The following SYBU variants were observed in gnomAD, a reference collection of about 807,000 sequenced individuals.
SYBU encodes syntabulin.
In SYBU, 21 loss-of-function variants were observed where a neutral mutation model predicts 35.9. The ratio of observed to expected loss-of-function variants is 0.58; its 90% CI spans 0.41 to 0.84. The LOEUF (loss-of-function observed/expected upper bound fraction) is 0.84. Ranked by LOEUF, SYBU falls within the 40% of genes least tolerant of loss-of-function variation. The pLI is 0.00. For missense variants in SYBU, 768 were observed against 848.2 expected (o/e 0.91, Z 1.17); for synonymous variants, 319 against 324.3 (o/e 0.98, Z 0.18).
intron 1 of SYBU, 64 bp downstream of exon 1, chr8:109,644,572 C>T (rs1241109817): frequency 2.6e-6 from 4 of 1,519,238 alleles, no homozygotes; most frequent in Non-Finnish European, 3.5e-6. Context: ...CATCCCGCCG[C>T]TTCTCGCCCC....
intron 3 of SYBU, among the ~76,000 whole-genome samples, chr8:109,589,069 A>G (rs1823937590): frequency 6.6e-6 from 1 of 152,234 alleles, no homozygotes. Context: ...CTGAGGCAGG[A>G]GAATTGCTTG....
Position 109,642,728 on chromosome 8 carries a change from C to T in SYBU, c.229G>A (p.Asp77Asn). Residue 77 changes from aspartate to asparagine, a missense_variant and splice_region_variant, in exon 2 of 7, where the codon GAT becomes AAT. Transcript: ENST00000276646. ...TGGTGGCCTCCCGAGGGTACTGTAC[C>T]TGAGCAGAAGCTGTTGCTGCTAACG... is the stretch of plus-strand genomic sequence containing the variant. ...RTVSSNSFCS[D>N]DTGCPSSQSV... The T allele has an allele frequency of 6.3e-7, 1 of 1,597,200 alleles. No individual in the cohort carries two copies. Among genetic ancestry groups the T allele is most frequent in the Non-Finnish European group, 8.5e-7 (1 of 1,171,918 alleles).
Position 109,579,815 on chromosome 8 carries a change from A to G in SYBU, c.718T>C (p.Cys240Arg). The G allele has an allele frequency of 6.2e-7, 1 of 1,614,102 alleles. No homozygotes were observed. The highest frequency in any genetic ancestry group is 8.5e-7 in the Non-Finnish European group (1 of 1,179,982). ...AGGACTCACCTCATGATGGGGCTAC[A>G]GTCGCTTCCTTTGTAGGAGCCTGAG... is the stretch of plus-strand genomic sequence containing the variant. ...SNSGSYKGSD[C>R]SPIMRRSGRY... is the part of the protein sequence containing the mutation. The change falls in exon 5 of 7, where the codon TGT (cysteine) becomes CGT (arginine). Residue 240 changes from cysteine (C) to arginine (R), a missense_variant. Transcript: ENST00000276646.
rs1436571285 is a variant in SYBU at position 109,574,893 on chromosome 8, C to T, written c.*13G>A. 1 of 1,511,454 alleles carries T rather than the reference C, an allele frequency of 6.6e-7. No individual in the cohort carries two copies. The highest frequency in any genetic ancestry group is 1.4e-5 in the African/African-American group (1 of 71,584). 93.6% of individuals were successfully genotyped at this position (1,511,454 alleles called of 1,614,324 possible). ...CATGGGACACATTGGCACACGGTAA[C>T]AACAACTTCTATTTAGGTTTTGATA... On this transcript the variant is annotated 3_prime_UTR_variant, in exon 7 of 7. Transcript: ENST00000276646.
chr8:109,637,739 C>G (rs1375035726), intron 2 of SYBU, among the ~76,000 whole-genome samples: 6 of 152,188 alleles, frequency 3.9e-5, no homozygotes, highest in Admixed American at 3.9e-4. Context: ...TACAAAAGCA[C>G]AGGAGAAATA....
At position 109,618,904 on chromosome 8, in the gene SYBU, C is replaced by T. The variant is rs779585365; in HGVS notation, c.365G>A (p.Gly122Asp). The T allele has an allele frequency of 6.2e-7, 1 of 1,614,196 alleles. No homozygotes were observed. Among genetic ancestry groups the T allele is most frequent in the Non-Finnish European group, 8.5e-7 (1 of 1,180,018 alleles). The stretch of plus-strand genomic sequence containing the variant: ...TCGAGAGGACTGAATGCTTCCTTCA[C>T]CAACCATTCCAATCGTGCATTTCTT... ...TRKKCTIGMV[G>D]EGSIQSSRYK... Residue 122 changes from glycine (G) to aspartate (D), a missense_variant, in exon 3 of 7, where the codon GGT (glycine) becomes GAT (aspartate). Gly to Asp is a moderately conservative substitution (Grantham distance 94). Coordinates refer to ENST00000276646, the MANE Select transcript of SYBU (RefSeq NM_001099754.2).
chr8:109,616,034 C>G (rs181340096), intron 3 of SYBU, among the ~76,000 whole-genome samples: 630 of 53,760 alleles, frequency 0.012, 4 homozygotes, highest in African/African-American at 0.058. Context: ...TTTTTTGAGA[C>G]AGAGTCTCGC....
At chr8:109,577,701 CACACA>C (rs1353292109) in intron 6 of SYBU, among the ~76,000 whole-genome samples, 162 bp downstream of exon 6, 3 of 152,216 alleles carry the variant, frequency 2.0e-5, no homozygotes, top group African/African-American at 7.2e-5. Context: ...ACAGCCATAT[CACACA>C]GAGTTATGAA....
At chr8:109,689,844 A>C (rs912438146) in intron 1 of SYBU, among the ~76,000 whole-genome samples, 15 of 151,710 alleles carry the variant, frequency 9.9e-5, no homozygotes, top group Middle Eastern at 3.4e-3. Context: ...AAAAAAAAAA[A>C]AAAAAAAAAA....
chr8:109,652,669 T>C (rs1236000381), intron 1 of SYBU, among the ~76,000 whole-genome samples: 1 of 152,252 alleles, frequency 6.6e-6, no homozygotes, highest in Non-Finnish European at 1.5e-5. Flanking sequence ...TAAAGTCTCT[T>C]GGCCTGAAAC....
rs528240942 is a variant in SYBU at position 109,584,686 on chromosome 8, A to G, written c.530+1374T>C. 6.6e-6 allele frequency among the ~76,000 whole-genome samples: 1 copy of G among 152,188 alleles called. No individual in the cohort carries two copies. The highest frequency in any genetic ancestry group is 2.4e-5 in the African/African-American group (1 of 41,522). On this transcript the variant is annotated intron_variant, in intron 4 of 6. Transcript: ENST00000276646. The surrounding 1 kb of genome is among the most constrained non-coding windows in gnomAD (Gnocchi z 4.0). ...TACAGGTTTGTCTGGCTTCAGCTGTATTTTTAATGATAAAACTGTGCCCTG... is the reference window on the plus strand; with the variant it reads ...TACAGGTTTGTCTGGCTTCAGCTGTGTTTTTAATGATAAAACTGTGCCCTG...
At chr8:109,689,587 C>T (rs1817597556) in intron 1 of SYBU, among the ~76,000 whole-genome samples, 1 of 152,168 alleles carries the variant, frequency 6.6e-6, no homozygotes, top group African/African-American at 2.4e-5. Context: ...CCTTCTCAGG[C>T]TCCCAAAGTT....
In SYBU at chr8:109,616,305, C is replaced by T. The variant is rs1452196023; in HGVS notation, c.427+2537G>A. Reference sequence around the variant, plus strand: ...GATTACAGGCATGAGCCACCACGCCCGGCCTATTCCCTGTGATTTCCTCAT... The same window carrying T: ...GATTACAGGCATGAGCCACCACGCCTGGCCTATTCCCTGTGATTTCCTCAT... On this transcript the variant is annotated intron_variant, in intron 3 of 6. Transcript: ENST00000276646. Among the ~76,000 whole-genome samples the T allele has an allele frequency of 5.3e-5, 8 of 152,126 alleles. No homozygotes were observed. In the Middle Eastern group the frequency reaches 0.01, roughly 195 times the overall value.
intron 2 of SYBU, among the ~76,000 whole-genome samples, chr8:109,629,699 A>G (rs9656885): frequency 0.28 from 43,114 of 151,598 alleles, 6,557 homozygotes; most frequent in East Asian, 0.41. Flanking sequence ...TTCTAGTTCT[A>G]GATCCCTGAG....
chr8:109,674,096 G>A (rs1209826589), intron 1 of SYBU, among the ~76,000 whole-genome samples: 2 of 152,110 alleles, frequency 1.3e-5, no homozygotes, highest in Admixed American at 6.5e-5. Flanking sequence ...AACCAAGTTG[G>A]AAAACACTCT....
intron 1 of SYBU, among the ~76,000 whole-genome samples, chr8:109,676,229 G>A (rs1222613195): frequency 6.6e-6 from 1 of 152,156 alleles, no homozygotes; most frequent in Non-Finnish European, 1.5e-5. Context: ...ACTAGCACAA[G>A]ACAAGGATAC....
chr8:109,602,152 C>T (rs958744438), intron 3 of SYBU, among the ~76,000 whole-genome samples: 1 of 151,892 alleles, frequency 6.6e-6, no homozygotes, highest in African/African-American at 2.4e-5. Flanking sequence ...TCCAGATGGA[C>T]AAAATGATTA....
intron 2 of SYBU, among the ~76,000 whole-genome samples, chr8:109,630,608 G>A (rs1813506691): frequency 6.6e-6 from 1 of 152,174 alleles, no homozygotes; most frequent in Non-Finnish European, 1.5e-5. Context: ...AACGAAAAAT[G>A]GGAAAGGATC....
chr8:109,637,171 A>G (rs1341457582), intron 2 of SYBU, among the ~76,000 whole-genome samples: 4 of 152,198 alleles, frequency 2.6e-5, no homozygotes, highest in East Asian at 1.9e-4. Context: ...TTTCAAGACA[A>G]TAGTTTTGGG....
Sources: gnomAD v4.1 joint callset for allele counts (sites outside exome capture counted in the v4.1 genomes callset) on GRCh38, gnomAD v4.1.1 for gene constraint, Gnocchi (gnomAD v3.1) non-coding constraint, MANE v1.5 for transcripts, NCBI Gene and HGNC (gene_info 2026-07-23, HGNC 2026-07-21) for gene names.